PCDHA4: variants seen among roughly 807,000 people sequenced by gnomAD.
PCDHA4 encodes protocadherin alpha 4.
A neutral mutation model predicts 61.4 loss-of-function variants in PCDHA4; 49 were observed. The observed-to-expected ratio is 0.80, with a 90% CI of 0.63 to 1.01. The LOEUF (loss-of-function observed/expected upper bound fraction) is 1.01, where lower values mean the gene tolerates loss of function less well. PCDHA4 is among the 50% of genes least tolerant of loss of function. PCDHA4 has a pLI of 0.00. For missense variants in PCDHA4, 1,254 were observed against 1,235.8 expected, an observed-to-expected ratio of 1.01 and a Z score of -0.22; for synonymous variants, 590 against 550.3, an observed-to-expected ratio of 1.07 and a Z score of -1.01.
intron 1 of PCDHA4, among the ~76,000 whole-genome samples, chr5:140,919,511 G>A (rs782614998): frequency 1.3e-5 from 2 of 151,848 alleles, no homozygotes; most frequent in Non-Finnish European, 2.9e-5. Flanking sequence ...TTTTCTATAT[G>A]TTTTAATTCT....
chr5:140,835,826 C>A, intron 1 of PCDHA4: 1 of 1,612,456 alleles, frequency 6.2e-7, no homozygotes, highest in East Asian at 2.2e-5. Flanking sequence ...CGGCGGGGGA[C>A]GCGGACGCGC....
intron 1 of PCDHA4, chr5:140,862,740 G>T (rs1302893031): frequency 8.7e-6 from 5 of 577,654 alleles, no homozygotes; most frequent in Non-Finnish European, 1.7e-5. Flanking sequence ...GCTATGTGTG[G>T]GTGCACGCGG....
chr5:140,963,496 A>C (rs1554226617), intron 1 of PCDHA4, among the ~76,000 whole-genome samples: 2 of 152,232 alleles, frequency 1.3e-5, no homozygotes, highest in African/African-American at 2.4e-5. Context: ...TGAGGAAACA[A>C]ATCTCTTGAA....
In PCDHA4 at chr5:140,831,519, CCTTT is replaced by C. The variant is rs1771594007; in HGVS notation, c.2385+21948_2385+21951del. On this transcript the variant is annotated intron_variant, in intron 1 of 3. Coordinates refer to ENST00000530339, the MANE Select transcript of PCDHA4 (RefSeq NM_018907.4). Reference sequence around the variant, plus strand: ...CACACGAGCACCACCATGCCCCCCACCTTTTTTTTTTTTTTTTTTTTTTTTAAGA... The same window carrying C: ...CACACGAGCACCACCATGCCCCCCACTTTTTTTTTTTTTTTTTTTTTAAGA... 7.3e-5 allele frequency among the ~76,000 whole-genome samples: 9 copies of C among 122,902 alleles called. No individual in the cohort carries two copies. In the South Asian group the frequency reaches 1.4e-3, roughly 19 times the overall value. The allele number at this position is 122,902 out of a possible 152,430, so 80.6% of individuals were successfully genotyped here.
Position 140,842,609 on chromosome 5 carries a change from G to T in PCDHA4, c.2385+33037G>T, listed in dbSNP as rs2150340474. 6.2e-5 allele frequency: 99 copies of T among 1,595,866 alleles called. 3 individuals carry two copies. In the East Asian group the frequency reaches 1.8e-3, roughly 29 times the overall value. On this transcript the variant is annotated intron_variant, in intron 1 of 3. Transcript: ENST00000530339. ...TGAGTTGGTGGTAACCGCGCGGGAC[G>T]GGGGCTCGCCTTCGCTGTGGGCCAC...
At chr5:140,850,576 T>C (rs1554144521) in intron 1 of PCDHA4, 1 of 1,598,296 alleles carries the variant, frequency 6.3e-7, no homozygotes, top group East Asian at 2.2e-5. Flanking sequence ...GTGACGCTGG[T>C]GGATGTCAAC....
At chr5:140,935,796 G>A (rs2090564598) in intron 1 of PCDHA4, among the ~76,000 whole-genome samples, 2 of 150,224 alleles carry the variant, frequency 1.3e-5, no homozygotes, top group African/African-American at 2.5e-5. Flanking sequence ...AAATATAAAC[G>A]AGATTATTTC....
At chr5:140,836,004 G>A in intron 1 of PCDHA4, 2 of 1,613,392 alleles carry the variant, frequency 1.2e-6, no homozygotes, top group Non-Finnish European at 1.7e-6. Context: ...GCGCGATGCG[G>A]GCGTGCCGCC....
intron 1 of PCDHA4, chr5:140,868,367 A>G (rs1172492575): frequency 6.6e-6 from 1 of 152,208 alleles, no homozygotes; most frequent in East Asian, 1.9e-4. Flanking sequence ...AAATGTAAAT[A>G]ACAGTAAAGA....
intron 3 of PCDHA4, among the ~76,000 whole-genome samples, chr5:140,997,372 A>G (rs2097768557): frequency 6.6e-6 from 1 of 152,208 alleles, no homozygotes; most frequent in Non-Finnish European, 1.5e-5. Context: ...CCTAGATGAT[A>G]TAGCATACTA....
intron 1 of PCDHA4, among the ~76,000 whole-genome samples, chr5:140,890,741 A>G (rs1346321522): frequency 2.0e-5 from 3 of 152,132 alleles, no homozygotes; most frequent in African/African-American, 7.2e-5. Flanking sequence ...CTTATATACT[A>G]TTTCTGTCAT....
At chr5:140,956,147 C>T (rs150480657) in intron 1 of PCDHA4, among the ~76,000 whole-genome samples, 5,358 of 152,186 alleles carry the variant, frequency 0.035, 121 homozygotes, top group Non-Finnish European at 0.052. Context: ...ATTTCTTTCT[C>T]TTTCCTAATT....
chr5:140,823,958 A>T, intron 1 of PCDHA4: 1 of 1,614,016 alleles, frequency 6.2e-7, no homozygotes, highest in Non-Finnish European at 8.5e-7. Context: ...CAGCCCACCG[A>T]GGCCGTGTGC....
rs2150125438 is a variant in PCDHA4, at chr5:140,823,390, G to T, written c.2385+13818G>T. On this transcript the variant is annotated intron_variant, in intron 1 of 3. Transcript: ENST00000530339. The stretch of plus-strand genomic sequence containing the variant: ...GCAGTTCCAGGTGAGCGCGCGCGAC[G>T]CGGGCGTGCCGCCTCTGGGCAGCAA... 8 of 1,612,786 alleles carry T rather than the reference G, an allele frequency of 5.0e-6. No individual in the cohort carries two copies. The Admixed American group carries it at 1.2e-4, about 24-fold the overall frequency.
intron 1 of PCDHA4, among the ~76,000 whole-genome samples, chr5:140,896,658 T>C (rs2065683362): frequency 6.6e-6 from 1 of 152,154 alleles, no homozygotes; most frequent in African/African-American, 2.4e-5. Context: ...ATTACAGGCA[T>C]GAGTCACTGT....
rs782166832 is a variant in PCDHA4, at chr5:140,882,300, C to G, written c.2385+72728C>G. 1.4e-5 allele frequency: 22 copies of G among 1,613,604 alleles called. No individual in the cohort carries two copies. The East Asian group carries it at 4.5e-4, about 33-fold the overall frequency. The stretch of plus-strand genomic sequence containing the variant: ...TCTTCCTGGCAAGGAGGCCCAAGAC[C>G]GCGGCAACTACTGCTCTGGCTTCTG... On this transcript the variant is annotated intron_variant, in intron 1 of 3. Coordinates refer to ENST00000530339, the MANE Select transcript of PCDHA4 (RefSeq NM_018907.4).
At chr5:140,939,051 T>G (rs1359303875) in intron 1 of PCDHA4, among the ~76,000 whole-genome samples, 1 of 152,236 alleles carries the variant, frequency 6.6e-6, no homozygotes, top group East Asian at 1.9e-4. Flanking sequence ...TTAGTCCATT[T>G]GGGCTGCTAT....
At chr5:140,840,041 T>C (rs1220920510) in intron 1 of PCDHA4, among the ~76,000 whole-genome samples, 3 of 152,082 alleles carry the variant, frequency 2.0e-5, no homozygotes, top group East Asian at 3.9e-4. Flanking sequence ...ATCTCCCAGA[T>C]GGAAGTCTAA....
chr5:140,876,761 G>C (rs1554168887), intron 1 of PCDHA4: 2 of 1,614,238 alleles, frequency 1.2e-6, no homozygotes, highest in East Asian at 2.2e-5. Context: ...GCGCGGGATG[G>C]GGGCTCGCCT....
Sources: allele counts gnomAD v4.1 joint callset (sites outside exome capture counted in the v4.1 genomes callset), GRCh38; gene constraint gnomAD v4.1.1; transcripts MANE v1.5; gene names NCBI Gene and HGNC (gene_info 2026-07-23, HGNC 2026-07-21).